The following DLGAP2 variants were observed in gnomAD, a reference collection of about 807,000 sequenced individuals.
The protein encoded by DLGAP2 is DLG associated protein 2.
DLGAP2 carries 26 observed loss-of-function variants against 100.3 expected under a neutral mutation model. The observed-to-expected ratio is 0.26, with a 90% CI of 0.19 to 0.36. The LOEUF is 0.36. Among genes scored for constraint, DLGAP2 ranks in the 10% least tolerant of loss-of-function variants. DLGAP2 has a pLI of 1.00. For missense variants in DLGAP2, 1,858 were observed against 1,453.2 expected (o/e 1.28, Z -4.53); for synonymous variants, 886 against 630.1 (o/e 1.41, Z -6.08).
intron 3 of DLGAP2, among the ~76,000 whole-genome samples, chr8:1,382,736 T>G (rs867036730): frequency 2.6e-5 from 4 of 152,168 alleles, no homozygotes; most frequent in African/African-American, 7.2e-5. Flanking sequence ...AGTGAGACCC[T>G]GTCTCAAAGG....
intron 10 of DLGAP2, among the ~76,000 whole-genome samples, chr8:1,675,282 C>A (rs1394622646): frequency 2.6e-5 from 4 of 152,224 alleles, no homozygotes; most frequent in Non-Finnish European, 4.4e-5. Context: ...TCAGAGAGAT[C>A]CCGGCAAGAG....
chr8:1,526,235 G>A (rs1011078070), intron 4 of DLGAP2, among the ~76,000 whole-genome samples: 1 of 151,578 alleles, frequency 6.6e-6, no homozygotes, highest in Non-Finnish European at 1.5e-5. Flanking sequence ...GGACGTTGCG[G>A]TGGCGATTGT....
intron 2 of DLGAP2, among the ~76,000 whole-genome samples, chr8:1,111,912 A>C (rs200801022): frequency 2.0e-5 from 3 of 151,954 alleles, no homozygotes; most frequent in Admixed American, 6.6e-5. Flanking sequence ...ATTCCTCTGG[A>C]TATATACCCG....
intron 2 of DLGAP2, among the ~76,000 whole-genome samples, chr8:919,003 C>G (rs549564257): frequency 1.3e-5 from 2 of 152,018 alleles, no homozygotes; most frequent in African/African-American, 2.4e-5. Flanking sequence ...TGCAGTGGTG[C>G]GATCAGAACT....
chr8:1,419,925 C>T (rs879900471), intron 3 of DLGAP2, among the ~76,000 whole-genome samples: 1 of 152,174 alleles, frequency 6.6e-6, no homozygotes, highest in Non-Finnish European at 1.5e-5. Context: ...CCTGAGTGTC[C>T]ATCAACAGAA....
chr8:799,052 C>CT (rs1491141402), intron 1 of DLGAP2, among the ~76,000 whole-genome samples: 1 of 152,094 alleles, frequency 6.6e-6, no homozygotes, highest in Non-Finnish European at 1.5e-5. Context: ...GATTAAGAGA[C>CT]TCTGTCGGTC....
At chr8:1,469,667 C>G (rs1415683220) in intron 3 of DLGAP2, among the ~76,000 whole-genome samples, 1 of 152,202 alleles carries the variant, frequency 6.6e-6, no homozygotes, top group African/African-American at 2.4e-5. Context: ...ATTCTCACGT[C>G]AGAAGCACCT....
chr8:867,796 T>C (rs553479435), intron 1 of DLGAP2, among the ~76,000 whole-genome samples: 1 of 152,226 alleles, frequency 6.6e-6, no homozygotes. Context: ...TGAATGATTC[T>C]GTTTTGAATA....
At chr8:973,462 C>G (rs559428862) in intron 2 of DLGAP2, among the ~76,000 whole-genome samples, 55 of 152,252 alleles carry the variant, frequency 3.6e-4, no homozygotes, top group African/African-American at 1.3e-3. Context: ...AGGCGCTCCT[C>G]ACATCCCAGA....
intron 3 of DLGAP2, chr8:1,368,562 C>G (rs940711377): frequency 1.3e-5 from 2 of 152,130 alleles, no homozygotes; most frequent in African/African-American, 4.8e-5. Flanking sequence ...ATTTATTAAA[C>G]ATGGGCCTAT....
At chr8:1,353,291 G>C (rs1291285316) in intron 3 of DLGAP2, among the ~76,000 whole-genome samples, 1 of 152,224 alleles carries the variant, frequency 6.6e-6, no homozygotes, top group Non-Finnish European at 1.5e-5. Context: ...AGACGGTCCT[G>C]GCTCACAGCA....
At chr8:940,962 G>A (rs925489383) in intron 2 of DLGAP2, among the ~76,000 whole-genome samples, 7 of 152,162 alleles carry the variant, frequency 4.6e-5, no homozygotes, top group Admixed American at 6.5e-5. Flanking sequence ...GGAGAGGGGA[G>A]CAGCGGGGTC....
intron 1 of DLGAP2, among the ~76,000 whole-genome samples, chr8:831,076 T>A (rs1214691547): frequency 6.6e-6 from 1 of 151,986 alleles, no homozygotes; most frequent in African/African-American, 2.4e-5. Context: ...TTTTGTACTT[T>A]TAGTAAAGAC....
intron 6 of DLGAP2, among the ~76,000 whole-genome samples, chr8:1,576,422 T>C (rs1352050377): frequency 1.3e-5 from 2 of 152,256 alleles, no homozygotes; most frequent in African/African-American, 4.8e-5. Flanking sequence ...GTAGGTTGCC[T>C]GTTCGCTCTG....
intron 2 of DLGAP2, among the ~76,000 whole-genome samples, chr8:1,118,173 C>A (rs553278151): frequency 2.1e-4 from 32 of 152,240 alleles, no homozygotes; most frequent in African/African-American, 7.2e-4. Flanking sequence ...ATGGCTTTTT[C>A]TAAAATGCAT....
At chr8:820,861 GC>G (rs1420431461) in intron 1 of DLGAP2, among the ~76,000 whole-genome samples, 1 of 152,160 alleles carries the variant, frequency 6.6e-6, no homozygotes, top group African/African-American at 2.4e-5. Flanking sequence ...ATTGTTTCAG[GC>G]CAGGAAGATG....
At chr8:1,488,554 C>T (rs1328271369) in intron 3 of DLGAP2, among the ~76,000 whole-genome samples, 4 of 152,112 alleles carry the variant, frequency 2.6e-5, no homozygotes, top group Non-Finnish European at 4.4e-5. Context: ...ACAGGTAGCC[C>T]GAGGTGGGCT....
At chr8:1,361,880 C>G (rs1002726852) in intron 3 of DLGAP2, among the ~76,000 whole-genome samples, 1 of 152,192 alleles carries the variant, frequency 6.6e-6, no homozygotes, top group Non-Finnish European at 1.5e-5. Flanking sequence ...GTTTCATTTC[C>G]GCTGGTTCTG....
chr8:853,109 G>A (rs961527991), intron 1 of DLGAP2, among the ~76,000 whole-genome samples: 3 of 152,326 alleles, frequency 2.0e-5, no homozygotes, highest in Admixed American at 6.5e-5. Context: ...ATTGCACTTA[G>A]GTGTGTGTTG....
Sources: gnomAD v4.1 joint callset for allele counts (sites outside exome capture counted in the v4.1 genomes callset) on GRCh38, gnomAD v4.1.1 for gene constraint, MANE v1.5 for transcripts, NCBI Gene and HGNC (gene_info 2026-07-23, HGNC 2026-07-21) for gene names.